Variants in DPP10 observed in about 807,000 individuals in gnomAD.
DPP10 encodes inactive dipeptidyl peptidase 10.
Under a neutral mutation model 120.9 loss-of-function variants are expected in DPP10, and 33 were observed. The ratio of observed to expected loss-of-function variants is 0.27; its 90% CI spans 0.21 to 0.37. The LOEUF is 0.37. Ranked by LOEUF, DPP10 falls within the 10% of genes least tolerant of loss-of-function variation. DPP10 has a pLI of 1.00. For missense variants in DPP10, 816 were observed against 942.8 expected, an observed-to-expected ratio of 0.87 and a Z score of 1.76; for synonymous variants, 337 against 326.1, an observed-to-expected ratio of 1.03 and a Z score of -0.36.
At chr2:114,469,975 A>G (rs1228385777) in intron 1 of DPP10, among the ~76,000 whole-genome samples, 3 of 152,242 alleles carry the variant, frequency 2.0e-5, no homozygotes, top group Non-Finnish European at 4.4e-5. Context: ...TAAAGAAACC[A>G]AAAACCAACA....
At chr2:115,497,078 T>G (rs938919782) in intron 3 of DPP10, among the ~76,000 whole-genome samples, 6 of 152,036 alleles carry the variant, frequency 3.9e-5, no homozygotes, top group Non-Finnish European at 7.4e-5. Flanking sequence ...AGTACTATCA[T>G]CTATATTATC....
chr2:114,523,055 T>C (rs1351942131), intron 1 of DPP10, among the ~76,000 whole-genome samples: 1 of 152,128 alleles, frequency 6.6e-6, no homozygotes, highest in Non-Finnish European at 1.5e-5. Context: ...TCGAAACAGA[T>C]CCTGAGACAG....
chr2:115,440,537 G>A (rs2104861768), intron 3 of DPP10, among the ~76,000 whole-genome samples: 1 of 152,290 alleles, frequency 6.6e-6, no homozygotes, highest in East Asian at 1.9e-4. Flanking sequence ...TGAATCAAGA[G>A]TCCTTTATTA....
intron 3 of DPP10, among the ~76,000 whole-genome samples, chr2:115,370,649 G>C (rs564567779): frequency 5.2e-4 from 79 of 152,242 alleles, no homozygotes; most frequent in African/African-American, 1.9e-3. Flanking sequence ...AGGGTACTCA[G>C]ATTCTTCATC....
intron 3 of DPP10, among the ~76,000 whole-genome samples, chr2:115,400,633 T>C (rs183108818): frequency 1.2e-4 from 19 of 152,330 alleles, no homozygotes; most frequent in Middle Eastern, 3.4e-3. Flanking sequence ...AAAATGTGTA[T>C]GTTGAACCCT....
chr2:115,822,991 C>G (rs201530506), intron 21 of DPP10, among the ~76,000 whole-genome samples: 2 of 152,130 alleles, frequency 1.3e-5, no homozygotes, highest in East Asian at 3.9e-4. Flanking sequence ...TATATTTTAA[C>G]TCTTGCTTTG....
chr2:114,955,999 T>A (rs569507996), intron 1 of DPP10, among the ~76,000 whole-genome samples: 1 of 152,076 alleles, frequency 6.6e-6, no homozygotes, highest in Non-Finnish European at 1.5e-5. Context: ...TCAAACTAAA[T>A]GGTAAAAAGT....
At chr2:115,524,706 CT>C (rs1558797378) in intron 4 of DPP10, among the ~76,000 whole-genome samples, 1 of 152,106 alleles carries the variant, frequency 6.6e-6, no homozygotes, top group Admixed American at 6.6e-5. Context: ...AATCCTGAAA[CT>C]ATAAGCTAAC....
chr2:115,554,439 T>C (rs2080081877), intron 5 of DPP10, among the ~76,000 whole-genome samples: 1 of 151,980 alleles, frequency 6.6e-6, no homozygotes, highest in South Asian at 2.1e-4. Context: ...GAATTTGTTC[T>C]TGGGCAACAT....
intron 1 of DPP10, among the ~76,000 whole-genome samples, chr2:114,719,876 G>A (rs928199014): frequency 1.3e-5 from 2 of 152,154 alleles, no homozygotes; most frequent in African/African-American, 4.8e-5. Flanking sequence ...CAATAGCAAT[G>A]GACTTGAAGA....
chr2:114,444,605 T>C (rs2104516679), intron 1 of DPP10, among the ~76,000 whole-genome samples: 1 of 152,158 alleles, frequency 6.6e-6, no homozygotes, highest in African/African-American at 2.4e-5. Flanking sequence ...AGTGTAGAGG[T>C]TTTACATCAT....
intron 1 of DPP10, among the ~76,000 whole-genome samples, chr2:114,991,713 T>C (rs1700764059): frequency 6.6e-6 from 1 of 152,104 alleles, no homozygotes; most frequent in African/African-American, 2.4e-5. Context: ...CAAGGTAAAA[T>C]AAAAAGGATA....
chr2:114,803,207 C>T (rs138480273), intron 1 of DPP10, among the ~76,000 whole-genome samples: 4 of 152,262 alleles, frequency 2.6e-5, no homozygotes, highest in Non-Finnish European at 5.9e-5. Flanking sequence ...GTAAGAAGTG[C>T]CTTTCACCTA....
chr2:114,872,918 A>G (rs1285391488), intron 1 of DPP10, among the ~76,000 whole-genome samples: 5 of 152,182 alleles, frequency 3.3e-5, no homozygotes, highest in Non-Finnish European at 5.9e-5. Context: ...CACATTCTCC[A>G]AGCCCACTTT....
At position 115,845,024 on chromosome 2, in the gene DPP10, A is replaced by T. The variant is rs1317305457; in HGVS notation, c.*2679A>T. The T allele has an allele frequency of 6.6e-6, 1 of 152,178 alleles. No individual in the cohort carries two copies. Among genetic ancestry groups the T allele is most frequent in the African/African-American group, 2.4e-5 (1 of 41,442 alleles). 9.4% of individuals were successfully genotyped at this position (152,178 alleles called of 1,614,324 possible). ...CTTTTTTTAATTGGGTGTTTAGCATAAAAATCACTATTGGGGATCTTACAG... is the reference window on the plus strand; with the variant it reads ...CTTTTTTTAATTGGGTGTTTAGCATTAAAATCACTATTGGGGATCTTACAG... On this transcript the variant is annotated 3_prime_UTR_variant, in exon 26 of 26. Coordinates refer to ENST00000410059, the MANE Select transcript of DPP10 (RefSeq NM_020868.6).
chr2:115,011,587 C>A (rs1023498819), intron 1 of DPP10, among the ~76,000 whole-genome samples: 18 of 152,080 alleles, frequency 1.2e-4, no homozygotes, highest in African/African-American at 3.9e-4. Flanking sequence ...TTGTTTAATG[C>A]TGGCATAGTT....
At chr2:115,468,121 AACCC>A (rs1180300187) in intron 3 of DPP10, 1 of 488,260 alleles carries the variant, frequency 2.0e-6, no homozygotes, top group Middle Eastern at 3.5e-4. Context: ...TTACAGCAGG[AACCC>A]ACTTAGGTGG....
intron 1 of DPP10, among the ~76,000 whole-genome samples, chr2:114,754,323 A>C (rs1250377407): frequency 6.6e-6 from 1 of 152,196 alleles, no homozygotes; most frequent in Admixed American, 6.5e-5. Context: ...GCCAATCACC[A>C]GACTTAAAAG....
At chr2:115,460,119 A>C (rs2073901299) in intron 3 of DPP10, among the ~76,000 whole-genome samples, 1 of 151,998 alleles carries the variant, frequency 6.6e-6, no homozygotes, top group Non-Finnish European at 1.5e-5. Flanking sequence ...ATTCATTTGA[A>C]TATTCAGTGG....
Sources: allele counts gnomAD v4.1 joint callset (sites outside exome capture counted in the v4.1 genomes callset), GRCh38; gene constraint gnomAD v4.1.1; transcripts MANE v1.5; gene names NCBI Gene and HGNC (gene_info 2026-07-23, HGNC 2026-07-21).